HSH2D: variants seen among roughly 807,000 people sequenced by gnomAD.
HSH2D encodes the protein hematopoietic SH2 domain-containing protein.
Under a neutral mutation model 21.5 loss-of-function variants are expected in HSH2D, and 16 were observed. That is an observed-to-expected ratio of 0.74 (90% confidence interval 0.50 to 1.13). The LOEUF is 1.13. Among genes scored for constraint, HSH2D ranks in the 50% most tolerant of loss-of-function variants. The pLI, the probability that HSH2D is intolerant of heterozygous loss-of-function variation, is 0.00. For synonymous variants in HSH2D, 172 were observed against 184.7 expected (o/e 0.93, Z 0.56); for missense variants, 418 against 441.4 (o/e 0.95, Z 0.47).
rs1461795786 is a variant in HSH2D at position 16,154,003 on chromosome 19, G to A, written c.382-396G>A. On this transcript the variant is annotated intron_variant, in intron 4 of 5. Coordinates refer to ENST00000613986, the MANE Select transcript of HSH2D (RefSeq NM_001382417.1). ...CTCCCAAGAAATTGTGGTAGGTGGG[G>A]CATCTTTCCTTAGAAGGCTCAGTGG... is the stretch of plus-strand genomic sequence containing the variant. Among the ~76,000 whole-genome samples, 16 of 142,284 alleles carry A rather than the reference G, an allele frequency of 1.1e-4. 1 individual carries two copies. The highest frequency in any genetic ancestry group is 1.0e-3 in the Admixed American group (15 of 14,358). The allele number at this position is 142,284 out of a possible 152,430, so 93.3% of individuals were successfully genotyped here.
chr19:16,155,081 T>C (rs2091220372), intron 5 of HSH2D, among the ~76,000 whole-genome samples: 2 of 152,142 alleles, frequency 1.3e-5, no homozygotes, highest in African/African-American at 4.8e-5. Context: ...ACCTGCCATA[T>C]TGAAGGTGCT....
At chr19:16,135,220 C>A (rs995415069) in intron 1 of HSH2D, among the ~76,000 whole-genome samples, 1 of 151,874 alleles carries the variant, frequency 6.6e-6, no homozygotes, top group Admixed American at 6.6e-5. Flanking sequence ...TGCAGTAAGC[C>A]GAGATTGCGC....
upstream of HSH2D, among the ~76,000 whole-genome samples, chr19:16,142,861 G>A (rs538152327): frequency 4.6e-5 from 7 of 151,234 alleles, no homozygotes; most frequent in South Asian, 2.1e-4. Flanking sequence ...CAGCCTCTGC[G>A]TCCCTGGTCC....
upstream of HSH2D, chr19:16,143,625 C>T: frequency 2.8e-6 from 1 of 363,394 alleles, no homozygotes. Context: ...CCTTGTTCCG[C>T]CCCCAGGGCT....
At position 16,152,615 on chromosome 19, in the gene HSH2D, C is replaced by T. The variant is rs763475192; in HGVS notation, c.189C>T (p.Ser63=). 1.3e-6 allele frequency: 2 copies of T among 1,522,634 alleles called. No homozygotes were observed. The highest frequency in any genetic ancestry group is 1.3e-5 in the South Asian group (1 of 74,672). The allele number at this position is 1,522,634 out of a possible 1,614,324, so 94.3% of individuals were successfully genotyped here. A position where few individuals can be genotyped will look rare whatever the true frequency, so the allele number is the denominator to read the frequency against. ...CCTTTCTCATCAGGGTCAGTCACAG[C>T]CATGTGGGCTACACACTCTCCTACA... ...LGSFLIRVSH[S]HVGYTLSYKA... is the part of the protein sequence containing the mutation. The change falls in exon 3 of 6, where the codon AGC becomes AGT. Residue 63 remains serine, a synonymous_variant. Coordinates refer to ENST00000613986, the MANE Select transcript of HSH2D (RefSeq NM_001382417.1).
chr19:16,152,647 G>T lies in HSH2D; in HGVS notation c.215+6G>T. ...GGCTACACACTCTCCTACAAGTAAG[G>T]CCTGGGCCGGGATCCAGGGCAGGGG... On this transcript the variant is annotated splice_donor_region_variant and intron_variant, in intron 3 of 5. Coordinates refer to ENST00000613986, the MANE Select transcript of HSH2D (RefSeq NM_001382417.1). 1 of 1,544,876 alleles carries T rather than the reference G, an allele frequency of 6.5e-7. No individual in the cohort carries two copies.
chr19:16,156,147 A>C (rs2091233485), intron 5 of HSH2D, among the ~76,000 whole-genome samples: 1 of 151,876 alleles, frequency 6.6e-6, no homozygotes, highest in African/African-American at 2.4e-5. Flanking sequence ...TGAGGCCAGG[A>C]CTTTGAGACC....
chr19:16,154,326 C>G, intron 4 of HSH2D, 73 bp from the exon 5 acceptor site: 1 of 988,212 alleles, frequency 1.0e-6, no homozygotes. Flanking sequence ...GTCCCTGAGA[C>G]CTGCCTTCCA....
At chr19:16,149,402 C>G (rs1299104178) in intron 2 of HSH2D, among the ~76,000 whole-genome samples, 1 of 152,016 alleles carries the variant, frequency 6.6e-6, no homozygotes, top group African/African-American at 2.4e-5. Context: ...AGGGTTTCAC[C>G]ATGTTGGCCA....
chr19:16,143,665 G>A (rs547631520), upstream of HSH2D: 8 of 419,552 alleles, frequency 1.9e-5, no homozygotes, highest in Admixed American at 5.5e-5. Flanking sequence ...GAACTGCCTC[G>A]GGGCAGCCAG....
rs2145068327 is a variant in HSH2D at position 16,158,007 on chromosome 19, T to G, written c.*213T>G. 1.9e-6 allele frequency: 1 copy of G among 522,376 alleles called. No homozygotes were observed. The highest frequency in any genetic ancestry group is 3.1e-5 in the East Asian group (1 of 32,324). 32.4% of individuals were successfully genotyped at this position (522,376 alleles called of 1,614,324 possible). A position where few individuals can be genotyped will look rare whatever the true frequency, so the allele number is the denominator to read the frequency against. ...CAATCATCAGAGTGACGCTGATGGT[T>G]TGGGGCACCAGCTATACATCAGCCC... On this transcript the variant is annotated 3_prime_UTR_variant, in exon 6 of 6. Transcript: ENST00000613986.
At chr19:16,155,352 C>A (rs2091223627) in intron 5 of HSH2D, among the ~76,000 whole-genome samples, 1 of 151,974 alleles carries the variant, frequency 6.6e-6, no homozygotes, top group East Asian at 1.9e-4. Flanking sequence ...TGAGGAGGAG[C>A]CAGTCATACA....
intron 1 of HSH2D, among the ~76,000 whole-genome samples, chr19:16,135,730 C>T (rs540269400): frequency 1.3e-5 from 2 of 152,220 alleles, no homozygotes; most frequent in Non-Finnish European, 2.9e-5. Context: ...GCTACCTCTG[C>T]AGAGGCCTCT....
chr19:16,142,152 GA>G (rs1304563231), upstream of HSH2D: 1 of 152,058 alleles, frequency 6.6e-6, no homozygotes, highest in East Asian at 1.9e-4. Context: ...TCCTGGTGTG[GA>G]CCTATGCGTG....
At chr19:16,154,096 A>T (rs185402352) in intron 4 of HSH2D, among the ~76,000 whole-genome samples, 1 of 84,846 alleles carries the variant, frequency 1.2e-5, no homozygotes. Context: ...AGTGGGCCTG[A>T]CCTAGCGCCC....
At chr19:16,143,684 C>G (rs1231513473), upstream of HSH2D, 2 of 443,256 alleles carry the variant, frequency 4.5e-6, no homozygotes, top group African/African-American at 2.0e-5. Flanking sequence ...AGCCCCGCCC[C>G]ATTGACGTGC....
At chr19:16,156,481 G>C (rs2091239047) in intron 5 of HSH2D, among the ~76,000 whole-genome samples, 1 of 152,082 alleles carries the variant, frequency 6.6e-6, no homozygotes, top group African/African-American at 2.4e-5. Flanking sequence ...ATCACACCTG[G>C]CCCCACATTT....
At chr19:16,138,583 G>A (rs1473174310) in intron 1 of HSH2D, among the ~76,000 whole-genome samples, 4 of 151,766 alleles carry the variant, frequency 2.6e-5, no homozygotes, top group Non-Finnish European at 5.9e-5. Flanking sequence ...TCAGCCTCCC[G>A]AGTAGCTGGG....
intron 1 of HSH2D, 134 bp downstream of exon 1, chr19:16,143,908 G>A (rs544963585): frequency 3.5e-4 from 93 of 268,030 alleles, no homozygotes; most frequent in African/African-American, 1.9e-3. Flanking sequence ...GAGCTTCGTG[G>A]AGGAGGGGGT....
Sources: allele counts gnomAD v4.1 joint callset (sites outside exome capture counted in the v4.1 genomes callset), GRCh38; gene constraint gnomAD v4.1.1; transcripts MANE v1.5; gene names NCBI Gene and HGNC (gene_info 2026-07-23, HGNC 2026-07-21).